Variants in UTP4 observed in about 807,000 individuals in gnomAD.
UTP4 encodes UTP4 small subunit processome component.
A neutral mutation model predicts 82.4 loss-of-function variants in UTP4; 45 were observed. The ratio of observed to expected loss-of-function variants is 0.55; its 90% CI spans 0.43 to 0.70. The LOEUF (loss-of-function observed/expected upper bound fraction) is 0.70, where lower values mean the gene tolerates loss of function less well. UTP4 is among the 30% of genes least tolerant of loss of function. The pLI is 0.00. For missense variants in UTP4, 819 were observed against 858.3 expected, an observed-to-expected ratio of 0.95 and a Z score of 0.57; for synonymous variants, 348 against 300.3, an observed-to-expected ratio of 1.16 and a Z score of -1.64.
intron 6 of UTP4, among the ~76,000 whole-genome samples, chr16:69,149,641 C>G (rs987807224): frequency 6.6e-6 from 1 of 152,130 alleles, no homozygotes; most frequent in African/African-American, 2.4e-5. Flanking sequence ...GATCCTCCTA[C>G]CCAGTCTCCT....
At chr16:69,163,280 A>C in intron 14 of UTP4, 102 bp downstream of exon 14, 1 of 934,150 alleles carries the variant, frequency 1.1e-6, no homozygotes, top group Non-Finnish European at 1.8e-6. Flanking sequence ...AAGGTGTTGG[A>C]GGATATAAGG....
At chr16:69,141,496 C>G (rs1183857624) in intron 5 of UTP4, among the ~76,000 whole-genome samples, 1 of 152,034 alleles carries the variant, frequency 6.6e-6, no homozygotes, top group African/African-American at 2.4e-5. Context: ...TTTTTTTCCC[C>G]CAGGAGCTTT....
intron 6 of UTP4, among the ~76,000 whole-genome samples, chr16:69,148,577 C>G (rs1029153408): frequency 2.0e-5 from 3 of 151,778 alleles, no homozygotes; most frequent in African/African-American, 7.3e-5. Context: ...TGTTTGAGTT[C>G]CTGCCTTCAA....
intron 8 of UTP4, among the ~76,000 whole-genome samples, chr16:69,151,683 CCTT>C (rs1177102484): frequency 6.6e-6 from 1 of 151,672 alleles, no homozygotes; most frequent in African/African-American, 2.4e-5. Context: ...TCTGTAGCTA[CCTT>C]CTTCATTCCT....
intron 12 of UTP4, among the ~76,000 whole-genome samples, 153 bp downstream of exon 12, chr16:69,157,393 G>A (rs1379161702): frequency 6.6e-6 from 1 of 152,182 alleles, no homozygotes; most frequent in Non-Finnish European, 1.5e-5. Flanking sequence ...GGAGGAGATA[G>A]CTGGCAGATG....
intron 16 of UTP4, 125 bp downstream of exon 16, chr16:69,167,310 A>G (rs902183423): frequency 8.4e-6 from 6 of 713,376 alleles, no homozygotes; most frequent in Non-Finnish European, 1.5e-5. Context: ...CTTGTGGGAG[A>G]CAAGTCACCT....
intron 3 of UTP4, 80 bp downstream of exon 3, chr16:69,136,967 A>G: frequency 8.2e-7 from 1 of 1,222,706 alleles, no homozygotes; most frequent in Non-Finnish European, 1.2e-6. Flanking sequence ...CTCATAGGAG[A>G]GTAACGATAT....
At chr16:69,144,240 C>T (rs1195459255) in intron 6 of UTP4, among the ~76,000 whole-genome samples, 1 of 151,082 alleles carries the variant, frequency 6.6e-6, no homozygotes, top group Non-Finnish European at 1.5e-5. Flanking sequence ...CTAGCTCTGT[C>T]ACCCAGGCTG....
chr16:69,162,711 CA>C (rs61078750), intron 13 of UTP4, among the ~76,000 whole-genome samples: 34,930 of 100,264 alleles, frequency 0.35, 5,078 homozygotes, highest in African/African-American at 0.47. Context: ...AACTCCATCT[CA>C]AAAAAAAAAA....
chr16:69,144,739 A>G (rs1178416019), intron 6 of UTP4, among the ~76,000 whole-genome samples: 3 of 152,260 alleles, frequency 2.0e-5, no homozygotes, highest in African/African-American at 4.8e-5. Flanking sequence ...CCTGAAAAAC[A>G]TAGATGTCAC....
intron 6 of UTP4, among the ~76,000 whole-genome samples, chr16:69,146,663 C>T (rs895504112): frequency 6.6e-6 from 1 of 151,308 alleles, no homozygotes; most frequent in African/African-American, 2.4e-5. Flanking sequence ...GAGTTCGAGA[C>T]CAGCCTGGCC....
intron 8 of UTP4, among the ~76,000 whole-genome samples, chr16:69,151,657 A>G (rs1385217675): frequency 3.4e-5 from 5 of 148,310 alleles, no homozygotes; most frequent in South Asian, 2.1e-4. Flanking sequence ...TGGGACATGG[A>G]GATATTGTAG....
Position 69,143,371 on chromosome 16 carries a change from G to A in UTP4, c.720G>A (p.Gln240=). The change falls in exon 6 of 17, where the codon CAG becomes CAA. Residue 240 remains glutamine, a synonymous_variant. Coordinates refer to ENST00000314423, the MANE Select transcript of UTP4 (RefSeq NM_032830.3). The part of the protein sequence containing the change: ...KSHLIANADV[Q]SIAVADQEDS... The stretch of plus-strand genomic sequence containing the variant: ...ATCTCATCGCTAATGCTGACGTGCA[G>A]TCCATTGCTGTAGCTGACGTGAGTA... 6.2e-7 allele frequency: 1 copy of A among 1,614,122 alleles called. No individual in the cohort carries two copies. The highest frequency in any genetic ancestry group is 8.5e-7 in the Non-Finnish European group (1 of 1,179,972).
At chr16:69,151,149 G>A (rs1963252595) in intron 8 of UTP4, among the ~76,000 whole-genome samples, 1 of 151,846 alleles carries the variant, frequency 6.6e-6, no homozygotes, top group South Asian at 2.1e-4. Context: ...TGGGATTACA[G>A]GCATGCGCCA....
chr16:69,148,200 A>G (rs905931348), intron 6 of UTP4, among the ~76,000 whole-genome samples: 2 of 151,720 alleles, frequency 1.3e-5, no homozygotes, highest in African/African-American at 4.8e-5. Flanking sequence ...TGACCTTGTG[A>G]TCTGCCCGCC....
chr16:69,136,400 A>C (rs1256278188), intron 2 of UTP4, among the ~76,000 whole-genome samples: 3 of 152,114 alleles, frequency 2.0e-5, no homozygotes, highest in African/African-American at 7.2e-5. Flanking sequence ...GCTACTTTTT[A>C]TATTTTTTGT....
Position 69,150,517 on chromosome 16 carries a change from C to T in UTP4, c.739-20C>T, listed in dbSNP as rs1963232185. The T allele has an allele frequency of 6.2e-7, 1 of 1,614,120 alleles. No individual in the cohort carries two copies. The highest frequency in any genetic ancestry group is 8.5e-7 in the Non-Finnish European group (1 of 1,179,970). On this transcript the variant is annotated intron_variant, in intron 6 of 16. Transcript: ENST00000314423. The stretch of plus-strand genomic sequence containing the variant: ...CCTTGTTTTGCTTACGTGTACCTCC[C>T]TCATGATTTAATTCCTCAGCAAGAA...
intron 15 of UTP4, chr16:69,166,144 T>C (rs1403467584): frequency 5.9e-6 from 1 of 169,976 alleles, no homozygotes; most frequent in East Asian, 1.6e-4. Context: ...CCTGAATTTG[T>C]ATGGCTTTTC....
chr16:69,145,569 CT>C (rs553089825), intron 6 of UTP4, among the ~76,000 whole-genome samples: 171 of 145,458 alleles, frequency 1.2e-3, no homozygotes, highest in Non-Finnish European at 1.9e-3. Context: ...TTTTCTTTTT[CT>C]TTTTTTTTTT....
Sources: allele counts gnomAD v4.1 joint callset (sites outside exome capture counted in the v4.1 genomes callset), GRCh38; gene constraint gnomAD v4.1.1; transcripts MANE v1.5; gene names NCBI Gene and HGNC (gene_info 2026-07-23, HGNC 2026-07-21).